Variants in GABRB2 observed in about 807,000 individuals in gnomAD.
GABRB2 encodes gamma-aminobutyric acid type A receptor subunit beta2.
A neutral mutation model predicts 54.7 loss-of-function variants in GABRB2; 16 were observed. The ratio of observed to expected loss-of-function variants is 0.29; its 90% CI spans 0.20 to 0.44. The LOEUF (loss-of-function observed/expected upper bound fraction) is 0.44, where lower values mean the gene tolerates loss of function less well. Among genes scored for constraint, GABRB2 ranks in the 20% least tolerant of loss-of-function variants. GABRB2 has a pLI of 1.00. For missense variants in GABRB2, 355 were observed against 644.0 expected (o/e 0.55, Z 4.86); for synonymous variants, 244 against 233.8 (o/e 1.04, Z -0.40).
intron 5 of GABRB2, among the ~76,000 whole-genome samples, chr5:161,390,861 A>T (rs193103443): frequency 6.6e-6 from 1 of 152,208 alleles, no homozygotes; most frequent in East Asian, 1.9e-4. Flanking sequence ...TCTTGCTTCT[A>T]AACCAGTAAG....
At chr5:161,497,069 T>C (rs1360003014) in intron 3 of GABRB2, among the ~76,000 whole-genome samples, 1 of 152,092 alleles carries the variant, frequency 6.6e-6, no homozygotes, top group Non-Finnish European at 1.5e-5. Flanking sequence ...ATGTTAGAAG[T>C]TTTGTATTTT....
At chr5:161,454,638 A>G (rs1255284956) in intron 4 of GABRB2, among the ~76,000 whole-genome samples, 1 of 152,186 alleles carries the variant, frequency 6.6e-6, no homozygotes, top group Non-Finnish European at 1.5e-5. Flanking sequence ...CTCCAACTAT[A>G]TGATTTCATT....
chr5:161,407,609 T>C (rs1756384865), intron 5 of GABRB2, among the ~76,000 whole-genome samples: 1 of 152,060 alleles, frequency 6.6e-6, no homozygotes, highest in Admixed American at 6.6e-5. Flanking sequence ...TGTTGTTTGG[T>C]GCTTTTTGGG....
chr5:161,510,350 C>T (rs879705374), intron 3 of GABRB2, among the ~76,000 whole-genome samples: 7 of 151,494 alleles, frequency 4.6e-5, no homozygotes, highest in South Asian at 2.1e-4. Context: ...TGAGAACATG[C>T]GACATTTGTC....
At chr5:161,418,934 G>A (rs1276279619) in intron 4 of GABRB2, among the ~76,000 whole-genome samples, 2 of 152,162 alleles carry the variant, frequency 1.3e-5, no homozygotes, top group South Asian at 4.1e-4. Flanking sequence ...CGAGACCAGC[G>A]GGGGAAGCAT....
At chr5:161,347,875 TGA>T (rs1754363823) in intron 5 of GABRB2, among the ~76,000 whole-genome samples, 2 of 152,138 alleles carry the variant, frequency 1.3e-5, no homozygotes, top group African/African-American at 4.8e-5. Flanking sequence ...ATTCATTGAA[TGA>T]TTTACACATC....
intron 9 of GABRB2, 30 bp downstream of exon 9, chr5:161,326,338 A>G: frequency 6.2e-7 from 1 of 1,608,008 alleles, no homozygotes; most frequent in South Asian, 1.1e-5. Context: ...CAGAAATACA[A>G]ATAAATGGAT....
At chr5:161,492,492 G>A (rs746793679) in intron 3 of GABRB2, among the ~76,000 whole-genome samples, 7 of 151,594 alleles carry the variant, frequency 4.6e-5, no homozygotes, top group Non-Finnish European at 8.9e-5. Context: ...TGTTAAACAC[G>A]TCACACGGCT....
chr5:161,545,418 A>C, intron 2 of GABRB2, 124 bp from the exon 3 acceptor site: 1 of 466,024 alleles, frequency 2.1e-6, no homozygotes, highest in Middle Eastern at 3.0e-4. Context: ...CAAATTTTTC[A>C]ATTCTCTGCT....
chr5:161,329,474 A>C (rs757986702), intron 8 of GABRB2: 6 of 152,202 alleles, frequency 3.9e-5, no homozygotes, highest in Non-Finnish European at 5.9e-5. Flanking sequence ...TGTTGCAAAT[A>C]TCATCTTCTA....
chr5:161,472,085 A>T (rs910266588), intron 3 of GABRB2, among the ~76,000 whole-genome samples: 7 of 151,932 alleles, frequency 4.6e-5, no homozygotes, highest in Non-Finnish European at 1.0e-4. Context: ...ATGAGTAAAT[A>T]AATTCACCCA....
At chr5:161,323,344 T>G (rs1338101425) in intron 9 of GABRB2, among the ~76,000 whole-genome samples, 1 of 152,160 alleles carries the variant, frequency 6.6e-6, no homozygotes, top group Admixed American at 6.6e-5. Context: ...TTTAAAAATA[T>G]AAGGGTCATT....
In GABRB2 at chr5:161,531,926, T is replaced by C. The variant is rs200030955; in HGVS notation, c.237+13301A>G. Among the ~76,000 whole-genome samples, 3 of 152,168 alleles carry C rather than the reference T, an allele frequency of 2.0e-5. No homozygotes were observed. In the East Asian group the frequency reaches 5.8e-4, roughly 29 times the overall value. On this transcript the variant is annotated intron_variant, in intron 3 of 9. Transcript: ENST00000393959. ...CAACGCTGCTTACCAGCATGTGACC[T>C]TGGACAAGTTCACTACTCAAACTTT...
intron 4 of GABRB2, among the ~76,000 whole-genome samples, chr5:161,421,003 A>T (rs1445639628): frequency 6.6e-6 from 1 of 152,108 alleles, no homozygotes; most frequent in East Asian, 1.9e-4. Flanking sequence ...CCACCTAAGG[A>T]GCCTTCTCCC....
intron 4 of GABRB2, among the ~76,000 whole-genome samples, chr5:161,446,901 C>T (rs1757647525): frequency 1.3e-5 from 2 of 151,926 alleles, no homozygotes; most frequent in Non-Finnish European, 2.9e-5. Context: ...TGTCATTTAT[C>T]TTCCTGTATC....
chr5:161,448,033 T>A (rs115035271), intron 4 of GABRB2, among the ~76,000 whole-genome samples: 1 of 152,240 alleles, frequency 6.6e-6, no homozygotes, highest in African/African-American at 2.4e-5. Context: ...CAATATAGAA[T>A]CAAGAAACTC....
chr5:161,532,289 C>T (rs750055429), intron 3 of GABRB2, among the ~76,000 whole-genome samples: 2 of 151,872 alleles, frequency 1.3e-5, no homozygotes, highest in African/African-American at 4.8e-5. Context: ...TCTGTATTAC[C>T]CACTCAGTCA....
At chr5:161,510,278 A>C (rs77898044) in intron 3 of GABRB2, among the ~76,000 whole-genome samples, 7,279 of 149,544 alleles carry the variant, frequency 0.049, 442 homozygotes, top group Admixed American at 0.17. Context: ...TCTAGTAATC[A>C]TCCTTCTACT....
At chr5:161,374,013 G>A (rs750484059) in intron 5 of GABRB2, among the ~76,000 whole-genome samples, 7 of 151,920 alleles carry the variant, frequency 4.6e-5, no homozygotes, top group Admixed American at 1.3e-4. Flanking sequence ...GCACGATCTC[G>A]GCTCACTGCA....
Sources: allele counts gnomAD v4.1 joint callset (sites outside exome capture counted in the v4.1 genomes callset), GRCh38; gene constraint gnomAD v4.1.1; transcripts MANE v1.5; gene names NCBI Gene and HGNC (gene_info 2026-07-23, HGNC 2026-07-21).